The following ITGBL1 variants were observed in gnomAD, a reference collection of about 807,000 sequenced individuals.
ITGBL1 encodes integrin beta-like protein 1.
ITGBL1 carries 51 observed loss-of-function variants against 68.5 expected under a neutral mutation model. The ratio of observed to expected loss-of-function variants is 0.74; its 90% confidence interval spans 0.59 to 0.94. The LOEUF (loss-of-function observed/expected upper bound fraction) is 0.94, where lower values mean the gene tolerates loss of function less well. Ranked by LOEUF, ITGBL1 falls within the 40% of genes least tolerant of loss-of-function variation. The pLI, the probability that ITGBL1 is intolerant of heterozygous loss-of-function variation, is 0.00. For synonymous variants in ITGBL1, 209 were observed against 227.3 expected (o/e 0.92, Z 0.72); for missense variants, 649 against 647.4 (o/e 1.00, Z -0.03).
At chr13:101,677,910 C>A (rs934257647) in intron 7 of ITGBL1, among the ~76,000 whole-genome samples, 1 of 151,998 alleles carries the variant, frequency 6.6e-6, no homozygotes. Flanking sequence ...GCTTACATCC[C>A]GAATATGATG....
intron 7 of ITGBL1, among the ~76,000 whole-genome samples, chr13:101,683,707 A>G (rs1053624873): frequency 7.2e-5 from 11 of 151,968 alleles, no homozygotes; most frequent in African/African-American, 2.2e-4. Flanking sequence ...ACTTATCTGT[A>G]TTTCCAAACC....
chr13:101,526,683 G>GTGTGTA (rs930100410), intron 2 of ITGBL1, among the ~76,000 whole-genome samples: 8 of 151,680 alleles, frequency 5.3e-5, no homozygotes, highest in East Asian at 1.9e-4. Context: ...GTGTGTGTGT[G>GTGTGTA]TGTATGTAAG....
chr13:101,492,255 G>T (rs2048790769), intron 2 of ITGBL1, among the ~76,000 whole-genome samples: 1 of 152,294 alleles, frequency 6.6e-6, no homozygotes, highest in East Asian at 1.9e-4. Flanking sequence ...TCTTACAGAG[G>T]TGTCTGAAAT....
chr13:101,569,075 T>C, intron 3 of ITGBL1, among the ~76,000 whole-genome samples: 1 of 100,774 alleles, frequency 9.9e-6, no homozygotes, highest in African/African-American at 3.6e-5. Flanking sequence ...CACACACTTC[T>C]CTACTTCCAA....
At chr13:101,592,118 T>C (rs1425875818) in intron 6 of ITGBL1, among the ~76,000 whole-genome samples, 3 of 152,302 alleles carry the variant, frequency 2.0e-5, no homozygotes, top group African/African-American at 7.2e-5. Context: ...ATTTTATTGA[T>C]AATGTAGGTC....
intron 7 of ITGBL1, among the ~76,000 whole-genome samples, chr13:101,666,767 C>T (rs1381680212): frequency 6.6e-6 from 1 of 152,114 alleles, no homozygotes; most frequent in Non-Finnish European, 1.5e-5. Context: ...CAGTCACCAC[C>T]ATCTTTGTGG....
At chr13:101,610,728 T>C (rs937783998) in intron 7 of ITGBL1, among the ~76,000 whole-genome samples, 1 of 152,100 alleles carries the variant, frequency 6.6e-6, no homozygotes, top group African/African-American at 2.4e-5. Flanking sequence ...GCCTGAAATA[T>C]TTCTCATGCA....
chr13:101,477,282 T>A (rs1037710112), intron 2 of ITGBL1, among the ~76,000 whole-genome samples: 37 of 151,820 alleles, frequency 2.4e-4, no homozygotes, highest in Admixed American at 1.1e-3. Flanking sequence ...AATTTAAAAA[T>A]TTCTTAAAAC....
intron 2 of ITGBL1, among the ~76,000 whole-genome samples, chr13:101,457,390 T>C (rs2048259075): frequency 1.3e-5 from 2 of 152,236 alleles, no homozygotes; most frequent in Admixed American, 6.5e-5. Context: ...TTAGATACAC[T>C]ATGCCCTTTT....
intron 2 of ITGBL1, among the ~76,000 whole-genome samples, chr13:101,533,004 A>T (rs1377591268): frequency 6.6e-6 from 1 of 152,234 alleles, no homozygotes; most frequent in Non-Finnish European, 1.5e-5. Context: ...TAAACTAAGC[A>T]TAGGCCAAAG....
At chr13:101,572,412 G>C (rs1183484222) in intron 3 of ITGBL1, among the ~76,000 whole-genome samples, 1 of 152,092 alleles carries the variant, frequency 6.6e-6, no homozygotes, top group Non-Finnish European at 1.5e-5. Flanking sequence ...AGCAGGGTGA[G>C]GCCCCGGCAC....
intron 7 of ITGBL1, among the ~76,000 whole-genome samples, chr13:101,630,546 C>T (rs2031943129): frequency 6.6e-6 from 1 of 152,188 alleles, no homozygotes; most frequent in Non-Finnish European, 1.5e-5. Flanking sequence ...TCAATGGTTT[C>T]TTCAACGTCA....
At chr13:101,527,967 G>A (rs1205747783) in intron 2 of ITGBL1, among the ~76,000 whole-genome samples, 1 of 151,746 alleles carries the variant, frequency 6.6e-6, no homozygotes, top group Non-Finnish European at 1.5e-5. Context: ...TCCATAGCTT[G>A]CCTTTTACTT....
intron 7 of ITGBL1, among the ~76,000 whole-genome samples, chr13:101,633,660 C>T (rs1470252666): frequency 6.6e-6 from 1 of 152,180 alleles, no homozygotes; most frequent in Non-Finnish European, 1.5e-5. Flanking sequence ...AGTGACTGAT[C>T]TTTCGGCCAA....
chr13:101,555,696 G>T (rs1340022212), intron 2 of ITGBL1, among the ~76,000 whole-genome samples: 2 of 151,842 alleles, frequency 1.3e-5, no homozygotes, highest in Non-Finnish European at 2.9e-5. Flanking sequence ...GTGTGTGTGT[G>T]TATGTTTTAT....
At chr13:101,692,793 G>T in intron 8 of ITGBL1, 92 bp downstream of exon 8, 1 of 810,484 alleles carries the variant, frequency 1.2e-6, no homozygotes, top group Non-Finnish European at 2.2e-6. Context: ...TTCAATTGCT[G>T]TTAAAAATAA....
At chr13:101,663,275 G>C (rs916379249) in intron 7 of ITGBL1, among the ~76,000 whole-genome samples, 2 of 152,116 alleles carry the variant, frequency 1.3e-5, no homozygotes, top group African/African-American at 2.4e-5. Flanking sequence ...GCACATATTT[G>C]AAACATTTAA....
intron 8 of ITGBL1, among the ~76,000 whole-genome samples, chr13:101,694,838 C>T (rs2033966791): frequency 6.6e-6 from 1 of 152,152 alleles, no homozygotes; most frequent in South Asian, 2.1e-4. Context: ...AATCAGTCAT[C>T]CTTGGCTTTA....
chr13:101,560,195 A>G lies in ITGBL1; in HGVS notation c.317-7504A>G, dbSNP rs578188877. On this transcript the variant is annotated intron_variant, in intron 2 of 10. Coordinates refer to ENST00000376180, the MANE Select transcript of ITGBL1 (RefSeq NM_004791.3). ...CATTGTTTTTTTGTTTCTTATTACT[A>G]GAGAAGGCTTAGGAATCTATGGTGG... Among the ~76,000 whole-genome samples the G allele has an allele frequency of 3.9e-5, 6 of 152,304 alleles. No homozygotes were observed. The East Asian group carries it at 9.6e-4, about 24-fold the overall frequency.
Sources: gnomAD v4.1 joint callset for allele counts (sites outside exome capture counted in the v4.1 genomes callset) on GRCh38, gnomAD v4.1.1 for gene constraint, MANE v1.5 for transcripts, NCBI Gene and HGNC (gene_info 2026-07-23, HGNC 2026-07-21) for gene names.